GATAD2B: variants seen among roughly 807,000 people sequenced by gnomAD.
GATAD2B encodes the protein transcriptional repressor p66-beta.
Under a neutral mutation model 64.3 loss-of-function variants are expected in GATAD2B, and 8 were observed. The observed-to-expected ratio is 0.12, with a 90% confidence interval of 0.07 to 0.22. The LOEUF is 0.22. Ranked by LOEUF, GATAD2B falls within the 10% of genes least tolerant of loss-of-function variation. GATAD2B has a pLI of 1.00. For synonymous variants in GATAD2B, 281 were observed against 271.3 expected (o/e 1.04, Z -0.35); for missense variants, 453 against 752.0 (o/e 0.60, Z 4.65).
intron 1 of GATAD2B, among the ~76,000 whole-genome samples, chr1:153,861,150 A>T (rs1676266100): frequency 6.6e-6 from 1 of 152,194 alleles, no homozygotes; most frequent in Admixed American, 6.5e-5. Flanking sequence ...ACAGAAACGG[A>T]TCCATATACA....
chr1:153,863,513 A>G (rs1192291606), intron 1 of GATAD2B, among the ~76,000 whole-genome samples: 1 of 76,766 alleles, frequency 1.3e-5, no homozygotes, highest in South Asian at 4.9e-4. Flanking sequence ...AAGAAATAAG[A>G]AAAAAAAAAA....
At chr1:153,909,021 C>G (rs962544642) in intron 1 of GATAD2B, among the ~76,000 whole-genome samples, 1 of 151,708 alleles carries the variant, frequency 6.6e-6, no homozygotes, top group Non-Finnish European at 1.5e-5. Context: ...GACAACACAG[C>G]GAGATTCCCA....
At chr1:153,887,142 T>C (rs1677208297) in intron 1 of GATAD2B, among the ~76,000 whole-genome samples, 1 of 152,182 alleles carries the variant, frequency 6.6e-6, no homozygotes, top group African/African-American at 2.4e-5. Flanking sequence ...TTTTTCTTCA[T>C]TAAACAGAAA....
At chr1:153,912,820 C>T (rs778156081) in intron 1 of GATAD2B, among the ~76,000 whole-genome samples, 1 of 152,082 alleles carries the variant, frequency 6.6e-6, no homozygotes, top group African/African-American at 2.4e-5. Context: ...AGGCTGGGCA[C>T]AGTGGCTCAC....
At chr1:153,862,011 T>C (rs922296895) in intron 1 of GATAD2B, among the ~76,000 whole-genome samples, 1 of 150,574 alleles carries the variant, frequency 6.6e-6, no homozygotes, top group Non-Finnish European at 1.5e-5. Context: ...CTCCCTGCCA[T>C]GTATCTCTAT....
intron 2 of GATAD2B, among the ~76,000 whole-genome samples, chr1:153,826,937 TC>T (rs1357724114): frequency 7.2e-5 from 10 of 138,316 alleles, no homozygotes; most frequent in African/African-American, 2.9e-4. Flanking sequence ...TGAGACCCTA[TC>T]TTAAAAAAAA....
intron 1 of GATAD2B, among the ~76,000 whole-genome samples, chr1:153,832,131 C>A (rs1426225259): frequency 6.6e-6 from 1 of 152,134 alleles, no homozygotes; most frequent in Non-Finnish European, 1.5e-5. Context: ...AGGAGGATCA[C>A]TTGAACCCGG....
At chr1:153,918,537 AT>A (rs1678339031) in intron 1 of GATAD2B, among the ~76,000 whole-genome samples, 1 of 152,230 alleles carries the variant, frequency 6.6e-6, no homozygotes, top group South Asian at 2.1e-4. Flanking sequence ...TCCAGCATGT[AT>A]TTTTAAAGAT....
At chr1:153,851,176 T>C (rs1025919703) in intron 1 of GATAD2B, among the ~76,000 whole-genome samples, 2 of 152,196 alleles carry the variant, frequency 1.3e-5, no homozygotes, top group South Asian at 2.1e-4. Flanking sequence ...ACTAGATACC[T>C]CACATAAGTA....
chr1:153,823,458 G>C (rs965823908), intron 2 of GATAD2B, among the ~76,000 whole-genome samples: 1 of 152,180 alleles, frequency 6.6e-6, no homozygotes, highest in Non-Finnish European at 1.5e-5. Flanking sequence ...AAGATATTTA[G>C]GCTATTATGA....
At chr1:153,855,214 G>A (rs952670360) in intron 1 of GATAD2B, among the ~76,000 whole-genome samples, 2 of 96,662 alleles carry the variant, frequency 2.1e-5, no homozygotes, top group African/African-American at 8.3e-5. Flanking sequence ...TGTAGCATTA[G>A]CTTTCTTTTT....
chr1:153,812,581 T>C (rs1674332100), intron 8 of GATAD2B, among the ~76,000 whole-genome samples: 1 of 152,148 alleles, frequency 6.6e-6, no homozygotes, highest in Non-Finnish European at 1.5e-5. Context: ...TGGGGTTTTA[T>C]TTTATCACTT....
At chr1:153,908,393 G>A (rs948523063) in intron 1 of GATAD2B, among the ~76,000 whole-genome samples, 3 of 152,042 alleles carry the variant, frequency 2.0e-5, no homozygotes, top group Non-Finnish European at 4.4e-5. Context: ...CAATCTGTCA[G>A]GCACAGAGAA....
intron 1 of GATAD2B, among the ~76,000 whole-genome samples, chr1:153,870,896 C>T (rs555266102): frequency 6.6e-6 from 1 of 152,238 alleles, no homozygotes; most frequent in African/African-American, 2.4e-5. Context: ...TTATTTCATA[C>T]TGATACTAGA....
intron 1 of GATAD2B, among the ~76,000 whole-genome samples, chr1:153,887,145 A>C (rs996551653): frequency 3.9e-5 from 6 of 152,170 alleles, no homozygotes; most frequent in Admixed American, 1.3e-4. Flanking sequence ...TTCTTCATTA[A>C]ACAGAAAATA....
intron 1 of GATAD2B, among the ~76,000 whole-genome samples, chr1:153,910,252 TAGA>T (rs779863088): frequency 9.2e-5 from 14 of 152,200 alleles, no homozygotes; most frequent in Non-Finnish European, 1.6e-4. Flanking sequence ...ACACACAGAT[TAGA>T]AGACCACTTG....
chr1:153,850,198 T>C lies in GATAD2B; in HGVS notation c.-1-21850A>G, dbSNP rs540587101. Among the ~76,000 whole-genome samples, 11 of 152,322 alleles carry C rather than the reference T, an allele frequency of 7.2e-5. No homozygotes were observed. In the South Asian group the frequency reaches 2.3e-3, roughly 32 times the overall value. ...CTTCCGCTGGTTACCCCAAGGGTAT[T>C]ATACAGGGTCCTGAATAATTTTTTT... On this transcript the variant is annotated intron_variant, in intron 1 of 10. Transcript: ENST00000368655.
intron 1 of GATAD2B, among the ~76,000 whole-genome samples, chr1:153,884,387 G>T (rs1048699767): frequency 6.6e-5 from 10 of 152,098 alleles, no homozygotes; most frequent in African/African-American, 2.4e-4. Flanking sequence ...AGCTTGCAGT[G>T]AGCTGAGATC....
intron 1 of GATAD2B, among the ~76,000 whole-genome samples, chr1:153,891,405 T>A (rs947578104): frequency 2.0e-5 from 3 of 148,828 alleles, no homozygotes; most frequent in African/African-American, 7.4e-5. Flanking sequence ...CCATCCCTAC[T>A]CAAAATATAA....
Sources: allele counts gnomAD v4.1 joint callset (sites outside exome capture counted in the v4.1 genomes callset), GRCh38; gene constraint gnomAD v4.1.1; transcripts MANE v1.5; gene names NCBI Gene and HGNC (gene_info 2026-07-23, HGNC 2026-07-21).